The following CAAP1 variants were observed in gnomAD, a reference collection of about 807,000 sequenced individuals.
CAAP1 encodes the protein conserved anti-apoptotic protein.
Under a neutral mutation model 34.0 loss-of-function variants are expected in CAAP1, and 20 were observed. That is an observed-to-expected ratio of 0.59 (90% CI 0.41 to 0.86). CAAP1 has a LOEUF of 0.86. Among genes scored for constraint, CAAP1 ranks in the 40% least tolerant of loss-of-function variants. CAAP1 has a pLI of 0.00. For missense variants in CAAP1, 538 were observed against 450.5 expected (o/e 1.19, Z -1.76); for synonymous variants, 213 against 166.7 (o/e 1.28, Z -2.14).
chr9:26,872,144 T>C (rs1823293183), intron 4 of CAAP1, among the ~76,000 whole-genome samples: 1 of 152,148 alleles, frequency 6.6e-6, no homozygotes, highest in Non-Finnish European at 1.5e-5. Flanking sequence ...ATAAGACAAC[T>C]GATTGAGCCA....
intron 5 of CAAP1, among the ~76,000 whole-genome samples, chr9:26,846,989 T>C (rs1051463215): frequency 6.6e-6 from 1 of 151,360 alleles, no homozygotes; most frequent in Non-Finnish European, 1.5e-5. Context: ...GCCCGGCCAA[T>C]TTTTCTTCTT....
intron 5 of CAAP1, among the ~76,000 whole-genome samples, chr9:26,855,818 G>A (rs551701990): frequency 3.3e-5 from 5 of 152,198 alleles, no homozygotes; most frequent in South Asian, 4.1e-4. Flanking sequence ...GGGTAAGAGC[G>A]TAATGACTAA....
chr9:26,886,121 A>T lies in CAAP1; in HGVS notation c.572T>A (p.Ile191Asn). The T allele has an allele frequency of 5.9e-6, 9 of 1,533,734 alleles. No homozygotes were observed. Among genetic ancestry groups the T allele is most frequent in the South Asian group, 3.9e-5 (3 of 76,710 alleles). The change falls in exon 3 of 6, where the codon ATT becomes AAT. Residue 191 changes from isoleucine (I) to asparagine (N), a missense_variant. Coordinates refer to ENST00000333916, the MANE Select transcript of CAAP1 (RefSeq NM_024828.4). ...EQLELLSEKK[I>N]LKILEGDNGM... Reference sequence around the variant, plus strand: ...ATTCTTACCCTCAAGAATCTTCAAAATTTTTTTTTCAGACAGGAGCTCTAA... The same window carrying T: ...ATTCTTACCCTCAAGAATCTTCAAATTTTTTTTTTCAGACAGGAGCTCTAA...
intron 1 of CAAP1, among the ~76,000 whole-genome samples, chr9:26,887,740 T>C (rs1643815600): frequency 6.6e-6 from 1 of 152,168 alleles, no homozygotes; most frequent in African/African-American, 2.4e-5. Context: ...GGAAGAGATA[T>C]TTAGGATACA....
intron 5 of CAAP1, among the ~76,000 whole-genome samples, chr9:26,849,752 G>A (rs1001423282): frequency 6.6e-6 from 1 of 151,644 alleles, no homozygotes; most frequent in Admixed American, 6.6e-5. Flanking sequence ...CAGTGCCTTT[G>A]TAGAACCCAA....
chr9:26,855,926 A>C (rs955714953), intron 5 of CAAP1, among the ~76,000 whole-genome samples: 1 of 152,214 alleles, frequency 6.6e-6, no homozygotes, highest in Non-Finnish European at 1.5e-5. Context: ...GATACACATC[A>C]CAGGATAGAA....
intron 4 of CAAP1, among the ~76,000 whole-genome samples, chr9:26,877,455 CAT>C (rs1283699779): frequency 1.3e-5 from 2 of 152,180 alleles, no homozygotes; most frequent in East Asian, 1.9e-4. Context: ...TTAAGTGTCA[CAT>C]GACTGTATTT....
chr9:26,868,223 T>C (rs1047687603), intron 4 of CAAP1, among the ~76,000 whole-genome samples: 5 of 140,678 alleles, frequency 3.6e-5, no homozygotes, highest in South Asian at 2.1e-4. Context: ...GCAAAAAACT[T>C]TGTGATTGTG....
rs267602202 is a variant in CAAP1, at chr9:26,842,553, C to T, written c.834G>A (p.Glu278=). ...GPCNEEAAAP[E]APENTVQSEA... is the part of the protein sequence containing the mutation. ...CACTTTGGACTGTATTTTCTGGTGC[C>T]TCGGGAGCAGCTGCTTCTTCGTTGC... Residue 278 remains glutamate, a synonymous_variant, in exon 6 of 6, where the codon GAG becomes GAA. Transcript: ENST00000333916. The T allele has an allele frequency of 5.6e-6, 9 of 1,614,082 alleles. No homozygotes were observed. The South Asian group carries it at 9.9e-5, about 18-fold the overall frequency.
intron 4 of CAAP1, among the ~76,000 whole-genome samples, chr9:26,883,337 G>C (rs945288753): frequency 6.6e-6 from 1 of 152,118 alleles, no homozygotes; most frequent in East Asian, 1.9e-4. Context: ...CTTTCACTTG[G>C]TTCCCTCATT....
chr9:26,861,249 T>C, intron 4 of CAAP1, 110 bp from the exon 5 acceptor site: 1 of 717,138 alleles, frequency 1.4e-6, no homozygotes, highest in Non-Finnish European at 2.4e-6. Flanking sequence ...GCTACATTCT[T>C]CTAAGCTCCC....
At chr9:26,889,784 C>T (rs1446549128) in intron 1 of CAAP1, among the ~76,000 whole-genome samples, 3 of 144,904 alleles carry the variant, frequency 2.1e-5, no homozygotes, top group South Asian at 2.3e-4. Flanking sequence ...AGGAGAATGG[C>T]GTGAACCCAG....
At chr9:26,880,624 GGA>G (rs1269739075) in intron 4 of CAAP1, 1 of 153,378 alleles carries the variant, frequency 6.5e-6, no homozygotes, top group African/African-American at 2.4e-5. Flanking sequence ...CACCAGCCTT[GGA>G]GAGTCACAGT....
chr9:26,876,110 G>A (rs956298952), intron 4 of CAAP1, among the ~76,000 whole-genome samples: 1 of 152,164 alleles, frequency 6.6e-6, no homozygotes, highest in Non-Finnish European at 1.5e-5. Context: ...TGCATTTCTT[G>A]CAGAGGATCC....
chr9:26,887,176 C>T (rs542390738), intron 2 of CAAP1, 137 bp downstream of exon 2: 47 of 549,774 alleles, frequency 8.5e-5, no homozygotes, highest in Admixed American at 4.9e-4. Context: ...CACGCCACCA[C>T]ACTCCAGCCT....
Position 26,856,842 on chromosome 9 carries a change from A to G in CAAP1, c.739+4224T>C, listed in dbSNP as rs573631200. ...ATCTAACTTAACAAAGCTATTTCTC[A>G]TGTATAGTTTTAAAATTTCTCTCAT... is the stretch of plus-strand genomic sequence containing the variant. On this transcript the variant is annotated intron_variant, in intron 5 of 5. Transcript: ENST00000333916. Among the ~76,000 whole-genome samples the G allele has an allele frequency of 7.2e-5, 11 of 152,312 alleles. No homozygotes were observed. The South Asian group carries it at 2.3e-3, about 32-fold the overall frequency.
At chr9:26,891,831 G>C (rs111833741) in intron 1 of CAAP1, among the ~76,000 whole-genome samples, 6,435 of 152,250 alleles carry the variant, frequency 0.042, 464 homozygotes, top group African/African-American at 0.15. Flanking sequence ...TTTCCTCATT[G>C]AATGAATTTA....
At chr9:26,870,985 C>A (rs1025321893) in intron 4 of CAAP1, among the ~76,000 whole-genome samples, 1 of 152,084 alleles carries the variant, frequency 6.6e-6, no homozygotes, top group African/African-American at 2.4e-5. Context: ...CCCATCAATG[C>A]AGTTCTATAG....
At chr9:26,842,704 C>G (rs1390158538) in intron 5 of CAAP1, 57 bp from the exon 6 acceptor site, 1 of 1,395,236 alleles carries the variant, frequency 7.2e-7, no homozygotes, top group South Asian at 1.4e-5. Flanking sequence ...GTCACAATTT[C>G]CTTACTGTTT....
Sources: gnomAD v4.1 joint callset for allele counts (sites outside exome capture counted in the v4.1 genomes callset) on GRCh38, gnomAD v4.1.1 for gene constraint, MANE v1.5 for transcripts, NCBI Gene and HGNC (gene_info 2026-07-23, HGNC 2026-07-21) for gene names.